Variants in CATSPERG observed in about 807,000 individuals in gnomAD.
CATSPERG encodes catsper channel auxiliary subunit gamma.
In CATSPERG, 115 loss-of-function variants were observed where a neutral mutation model predicts 145.0. The observed-to-expected ratio is 0.79, with a 90% confidence interval of 0.68 to 0.93. CATSPERG has a LOEUF of 0.93. Among genes scored for constraint, CATSPERG ranks in the 40% least tolerant of loss-of-function variants. The probability of loss-of-function intolerance (pLI) is 0.00; values close to 1 mark genes in which losing one functional copy is unlikely to be tolerated. For missense variants in CATSPERG, 1,296 were observed against 1,490.1 expected (o/e 0.87, Z 2.14); for synonymous variants, 588 against 589.0 (o/e 1.00, Z 0.02).
chr19:38,336,368 G>A, intron 1 of CATSPERG: 1 of 358,370 alleles, frequency 2.8e-6, no homozygotes, highest in Non-Finnish European at 5.7e-6. Flanking sequence ...ACGGGGCGAC[G>A]GGCCCGCGCG....
At chr19:38,347,507 G>A (rs960647717) in intron 7 of CATSPERG, among the ~76,000 whole-genome samples, 1 of 152,176 alleles carries the variant, frequency 6.6e-6, no homozygotes, top group Non-Finnish European at 1.5e-5. Flanking sequence ...ATTAGGCATT[G>A]AGAGCCTATA....
chr19:38,353,990 C>CAAAAA (rs965226814), intron 8 of CATSPERG, among the ~76,000 whole-genome samples: 4 of 30,586 alleles, frequency 1.3e-4, no homozygotes, highest in Admixed American at 4.0e-4. Flanking sequence ...GACTCTGTCT[C>CAAAAA]AAAAAAAAAA....
At chr19:38,336,582 C>A (rs1344918665) in intron 1 of CATSPERG, 2 of 281,214 alleles carry the variant, frequency 7.1e-6, no homozygotes, top group African/African-American at 4.6e-5. Flanking sequence ...AGGTACAGTA[C>A]CCAGCCCCTG....
chr19:38,370,684 G>C lies in CATSPERG; in HGVS notation c.3372G>C (p.Ser1124=). The change falls in exon 29 of 29, where the codon TCG becomes TCC. Residue 1124 remains serine (S), a synonymous_variant. Transcript: ENST00000409235. ...YYTYASISGI[S]SMPSLRHSRM... is the part of the protein sequence containing the mutation. ...CCTACGCCTCCATTTCCGGAATCTC[G>C]AGCATGCCGTCTCTGAGACATTCCA... 1.2e-6 allele frequency: 2 copies of C among 1,613,986 alleles called. No homozygotes were observed. The highest frequency in any genetic ancestry group is 1.7e-6 in the Non-Finnish European group (2 of 1,180,016).
At chr19:38,357,196 C>T (rs1371153826) in intron 11 of CATSPERG, among the ~76,000 whole-genome samples, 1 of 151,930 alleles carries the variant, frequency 6.6e-6, no homozygotes, top group Non-Finnish European at 1.5e-5. Context: ...TCAGGCAGTG[C>T]CTTTTTATAA....
At chr19:38,360,982 T>C (rs766611444) in intron 16 of CATSPERG, 139 bp downstream of exon 16, 48 of 728,150 alleles carry the variant, frequency 6.6e-5, no homozygotes, top group Non-Finnish European at 9.1e-5. Context: ...TCAGCACTTA[T>C]GGAAGCTCAG....
intron 3 of CATSPERG, among the ~76,000 whole-genome samples, chr19:38,340,785 A>T (rs939024601): frequency 6.6e-6 from 1 of 151,974 alleles, no homozygotes; most frequent in Admixed American, 6.6e-5. Context: ...ACACCAGTGT[A>T]CTTTCAATTA....
intron 3 of CATSPERG, among the ~76,000 whole-genome samples, chr19:38,340,518 C>G (rs184837993): frequency 7.9e-5 from 12 of 151,822 alleles, no homozygotes; most frequent in Admixed American, 7.2e-4. Flanking sequence ...TGGGGTTTCT[C>G]CATATTGGTC....
chr19:38,359,651 C>A, intron 14 of CATSPERG, 70 bp downstream of exon 14: 1 of 1,534,476 alleles, frequency 6.5e-7, no homozygotes, highest in Non-Finnish European at 8.8e-7. Flanking sequence ...CCTCTTTCCC[C>A]CGTCACAGTA....
chr19:38,343,523 C>G, intron 3 of CATSPERG, 57 bp from the exon 4 acceptor site: 1 of 1,470,812 alleles, frequency 6.8e-7, no homozygotes, highest in East Asian at 2.5e-5. Context: ...GGGCTTAAGG[C>G]AGGGGGCACC....
chr19:38,342,802 T>C (rs1351387237), intron 3 of CATSPERG, among the ~76,000 whole-genome samples: 1 of 151,986 alleles, frequency 6.6e-6, no homozygotes, highest in Non-Finnish European at 1.5e-5. Context: ...CTGTTCTGCA[T>C]GCCTGAAACA....
chr19:38,369,759 G>A (rs1211360599), intron 26 of CATSPERG: 8 of 595,400 alleles, frequency 1.3e-5, no homozygotes, highest in Non-Finnish European at 2.1e-5. Flanking sequence ...AGATGGAGGT[G>A]TGAAGGCAGG....
At chr19:38,358,737 G>C (rs1049760835) in intron 13 of CATSPERG, among the ~76,000 whole-genome samples, 176 bp downstream of exon 13, 1 of 152,214 alleles carries the variant, frequency 6.6e-6, no homozygotes, top group Non-Finnish European at 1.5e-5. Context: ...GTCAGTGCTG[G>C]GATGGGGGAA....
intron 7 of CATSPERG, among the ~76,000 whole-genome samples, chr19:38,347,224 C>T (rs1411495409): frequency 6.6e-6 from 1 of 151,286 alleles, no homozygotes; most frequent in African/African-American, 2.4e-5. Context: ...AACAAACAAA[C>T]AAAAAAAACT....
intron 10 of CATSPERG, 61 bp downstream of exon 10, chr19:38,356,604 C>T: frequency 1.9e-6 from 3 of 1,596,000 alleles, no homozygotes; most frequent in Non-Finnish European, 2.6e-6. Flanking sequence ...TGCAGAAGAG[C>T]AGGGGAGGGT....
In CATSPERG at chr19:38,362,413, C is replaced by A. The variant is rs759077102; in HGVS notation, c.2195C>A (p.Ala732Glu). ...TTCTTGGCGAGCAATTGGCGAAGCGCGGGCGGCGTGTCCATAGAAATGGAC... is the reference window on the plus strand; with the variant it reads ...TTCTTGGCGAGCAATTGGCGAAGCGAGGGCGGCGTGTCCATAGAAATGGAC... The part of the protein sequence containing the change: ...YFFLASNWRS[A>E]GGVSIEMDSY... Residue 732 changes from alanine (A) to glutamate (E), a missense_variant, in exon 19 of 29, where the codon GCG becomes GAG. By Grantham distance (107) the Ala-to-Glu change is moderately radical. Transcript: ENST00000409235. 2 of 1,614,156 alleles carry A rather than the reference C, an allele frequency of 1.2e-6. No homozygotes were observed. The highest frequency in any genetic ancestry group is 1.7e-6 in the Non-Finnish European group (2 of 1,180,036).
In CATSPERG at chr19:38,344,650, C is replaced by T. The variant is rs1011631496; in HGVS notation, c.669+282C>T. Among the ~76,000 whole-genome samples the T allele has an allele frequency of 2.6e-5, 4 of 151,780 alleles. No individual in the cohort carries two copies. The Admixed American group carries it at 2.6e-4, about 10-fold the overall frequency. ...AAGTTATCTGTCTGACTCCTATACA[C>T]ACCTGTACATCCATACCTGTACATA... On this transcript the variant is annotated intron_variant, in intron 6 of 28. Transcript: ENST00000409235.
rs1970252127 is a variant in CATSPERG at position 38,356,817 on chromosome 19, A to G, written c.1271A>G (p.Tyr424Cys). The G allele has an allele frequency of 6.2e-7, 1 of 1,614,126 alleles. No individual in the cohort carries two copies. The highest frequency in any genetic ancestry group is 8.5e-7 in the Non-Finnish European group (1 of 1,180,000). Residue 424 changes from tyrosine to cysteine, a missense_variant, in exon 11 of 29, where the codon TAT (tyrosine) becomes TGT (cysteine). Tyr to Cys is a radical substitution (Grantham distance 194, BLOSUM62 -2). Coordinates refer to ENST00000409235, the MANE Select transcript of CATSPERG (RefSeq NM_021185.5). Reference sequence around the variant, plus strand: ...CTACTGCTGCTGGTGGAGAGTGGATATGGTAATGCAAGTAAACGTTTCCAG... The same window carrying G: ...CTACTGCTGCTGGTGGAGAGTGGATGTGGTAATGCAAGTAAACGTTTCCAG... ...YTLLLLVESG[Y>C]GNASKRFQVV...
rs144053489 is a variant in CATSPERG at position 38,360,524 on chromosome 19, C to T, written c.1644C>T (p.Tyr548=). 1.9e-6 allele frequency: 3 copies of T among 1,614,052 alleles called. No individual in the cohort carries two copies. The highest frequency in any genetic ancestry group is 1.1e-5 in the South Asian group (1 of 91,090). ...WYLLEGSYRV[Y]QLFPSKGWQV... ...TCCTGGAGGGCAGCTACCGGGTCTA[C>T]CAGCTGTTCCCTTCCAAGGGCTGGC... Residue 548 remains tyrosine (Y), a synonymous_variant, in exon 15 of 29, where the codon TAC becomes TAT. Transcript: ENST00000409235.
Sources: allele counts gnomAD v4.1 joint callset (sites outside exome capture counted in the v4.1 genomes callset), GRCh38; gene constraint gnomAD v4.1.1; transcripts MANE v1.5; gene names NCBI Gene and HGNC (gene_info 2026-07-23, HGNC 2026-07-21).